Variants in COLEC12 observed in about 807,000 individuals in gnomAD.
The protein encoded by COLEC12 is collectin-12.
In COLEC12, 33 loss-of-function variants were observed where a neutral mutation model predicts 71.1. The ratio of observed to expected loss-of-function variants is 0.46; its 90% CI spans 0.35 to 0.62. The LOEUF (loss-of-function observed/expected upper bound fraction) is 0.62. Ranked by LOEUF, COLEC12 falls within the 20% of genes least tolerant of loss-of-function variation. The pLI is 0.00. For missense variants in COLEC12, 765 were observed against 916.1 expected (o/e 0.84, Z 2.13); for synonymous variants, 350 against 353.0 (o/e 0.99, Z 0.10).
intron 2 of COLEC12, among the ~76,000 whole-genome samples, chr18:396,514 G>A (rs1369920084): frequency 6.6e-6 from 1 of 152,190 alleles, no homozygotes; most frequent in African/African-American, 2.4e-5. Flanking sequence ...GCCATATTAT[G>A]GGTTGAAAAG....
At chr18:413,827 G>A (rs1218562854) in intron 2 of COLEC12, among the ~76,000 whole-genome samples, 1 of 152,162 alleles carries the variant, frequency 6.6e-6, no homozygotes, top group Non-Finnish European at 1.5e-5. Context: ...AAGGAATGAA[G>A]TACTAATACA....
chr18:409,316 A>T (rs1224109129), intron 2 of COLEC12, among the ~76,000 whole-genome samples: 1 of 152,196 alleles, frequency 6.6e-6, no homozygotes, highest in Non-Finnish European at 1.5e-5. Context: ...CGAGGCGGGC[A>T]GATCACCTGA....
chr18:475,220 C>T (rs1917282049), intron 2 of COLEC12, among the ~76,000 whole-genome samples: 1 of 152,112 alleles, frequency 6.6e-6, no homozygotes, highest in Non-Finnish European at 1.5e-5. Flanking sequence ...TCCACTGTTC[C>T]CTTGCCCTTC....
intron 2 of COLEC12, among the ~76,000 whole-genome samples, chr18:428,511 G>A (rs2143668516): frequency 6.6e-6 from 1 of 152,256 alleles, no homozygotes; most frequent in South Asian, 2.1e-4. Context: ...CACACCCCAT[G>A]GATGGCTCAA....
chr18:370,284 T>A (rs945023983), intron 2 of COLEC12, among the ~76,000 whole-genome samples: 6 of 152,246 alleles, frequency 3.9e-5, no homozygotes, highest in Admixed American at 3.9e-4. Context: ...TAATTTCATA[T>A]GATATGAAAT....
intron 2 of COLEC12, among the ~76,000 whole-genome samples, chr18:364,217 A>C (rs1914808360): frequency 6.6e-6 from 1 of 152,200 alleles, no homozygotes; most frequent in South Asian, 2.1e-4. Flanking sequence ...TAAAATTTAT[A>C]ATTTATACCC....
At chr18:476,499 C>T (rs981714713) in intron 2 of COLEC12, among the ~76,000 whole-genome samples, 1 of 152,182 alleles carries the variant, frequency 6.6e-6, no homozygotes, top group African/African-American at 2.4e-5. Context: ...TAACTTTGGA[C>T]GTCTATTATC....
intron 1 of COLEC12, among the ~76,000 whole-genome samples, chr18:493,365 C>G (rs1272053306): frequency 6.6e-6 from 1 of 152,164 alleles, no homozygotes; most frequent in Admixed American, 6.6e-5. Flanking sequence ...TCAGGCTCAG[C>G]CCTCCTCTCT....
chr18:350,381 C>T (rs1447754100), intron 3 of COLEC12, among the ~76,000 whole-genome samples: 1 of 152,180 alleles, frequency 6.6e-6, no homozygotes, highest in Non-Finnish European at 1.5e-5. Context: ...TCCAGTTAAA[C>T]CTCTTGTTCT....
intron 2 of COLEC12, among the ~76,000 whole-genome samples, chr18:358,682 C>A (rs907492830): frequency 3.3e-5 from 5 of 152,158 alleles, no homozygotes; most frequent in African/African-American, 1.2e-4. Flanking sequence ...CAGTCCAGTT[C>A]CTAACAGGTA....
chr18:419,794 TC>T, intron 2 of COLEC12, among the ~76,000 whole-genome samples: 1 of 152,192 alleles, frequency 6.6e-6, no homozygotes, highest in Non-Finnish European at 1.5e-5. Flanking sequence ...CTATGTCCTC[TC>T]CCCTTGAACC....
Position 321,762 on chromosome 18 carries a change from C to T in COLEC12, c.2109G>A (p.Gly703=). 6.2e-7 allele frequency: 1 copy of T among 1,614,250 alleles called. No homozygotes were observed. Among genetic ancestry groups the T allele is most frequent in the Middle Eastern group, 1.6e-4 (1 of 6,062 alleles). The part of the protein sequence containing the change: ...GQPDNWGHGH[G]PGEDCAGLIY... ...TCAACCCAGCACAGTCTTCTCCTGG[C>T]CCATGGCCATGACCCCAGTTATCCG... Residue 703 remains glycine, a synonymous_variant, in exon 9 of 10, where the codon GGG becomes GGA. Coordinates refer to ENST00000400256, the MANE Select transcript of COLEC12 (RefSeq NM_130386.3).
intron 3 of COLEC12, among the ~76,000 whole-genome samples, chr18:349,942 C>T (rs530020959): frequency 1.3e-5 from 2 of 152,300 alleles, no homozygotes; most frequent in Admixed American, 1.3e-4. Flanking sequence ...TTTACAGGCT[C>T]ATAGGCGGAA....
chr18:450,231 C>A (rs1916733330), intron 2 of COLEC12, among the ~76,000 whole-genome samples: 1 of 152,166 alleles, frequency 6.6e-6, no homozygotes, highest in Non-Finnish European at 1.5e-5. Flanking sequence ...AATGTCTTTT[C>A]CGCCTATTTC....
chr18:406,256 T>TC (rs1349073221), intron 2 of COLEC12, among the ~76,000 whole-genome samples: 1 of 152,066 alleles, frequency 6.6e-6, no homozygotes, highest in Non-Finnish European at 1.5e-5. Context: ...ACGCCTGTAA[T>TC]CCCAGCACTT....
At chr18:329,479 G>C (rs72857586) in intron 8 of COLEC12, among the ~76,000 whole-genome samples, 4,406 of 152,242 alleles carry the variant, frequency 0.029, 89 homozygotes, top group Non-Finnish European at 0.041. Flanking sequence ...CCCATCCCCA[G>C]CTCCAACCTT....
At chr18:409,909 T>C (rs1915861001) in intron 2 of COLEC12, among the ~76,000 whole-genome samples, 1 of 152,214 alleles carries the variant, frequency 6.6e-6, no homozygotes, top group Non-Finnish European at 1.5e-5. Flanking sequence ...ATTGCGCTAA[T>C]GGGCTGACTG....
At chr18:428,748 C>A (rs1180766608) in intron 2 of COLEC12, among the ~76,000 whole-genome samples, 1 of 151,926 alleles carries the variant, frequency 6.6e-6, no homozygotes, top group Non-Finnish European at 1.5e-5. Flanking sequence ...AATTAAGACA[C>A]CAAACTATTA....
chr18:499,893 C>A (rs911100318), intron 1 of COLEC12, among the ~76,000 whole-genome samples: 8 of 152,092 alleles, frequency 5.3e-5, no homozygotes, highest in Non-Finnish European at 1.2e-4. Context: ...AAGGCGGGCA[C>A]GTGGAAGGGA....
Sources: allele counts gnomAD v4.1 joint callset (sites outside exome capture counted in the v4.1 genomes callset), GRCh38; gene constraint gnomAD v4.1.1; transcripts MANE v1.5; gene names NCBI Gene and HGNC (gene_info 2026-07-23, HGNC 2026-07-21).